TAS2R1: variants seen among roughly 807,000 people sequenced by gnomAD.
TAS2R1 encodes the protein taste 2 receptor member 1, also known as taste receptor type 2 member 1.
For missense variants in TAS2R1, 370 were observed against 353.4 expected (o/e 1.05, Z -0.38); for synonymous variants, 141 against 134.2 (o/e 1.05, Z -0.35).
At chr5:9,829,749 T>G in the TAS2R1 span, among the ~76,000 whole-genome samples, 2 of 152,006 alleles carry the variant, frequency 1.3e-5, no homozygotes, top group East Asian at 3.9e-4. Flanking sequence ...TCATGGTTGA[T>G]GCAAATAACC....
rs772876225 is a variant in TAS2R1 at position 9,693,620 on chromosome 5, GT to G, written c.-242+18551del. On this transcript the variant is annotated intron_variant, in intron 1 of 2. Transcript: ENST00000506620. ...CATTTGCAAAAGCTTCCTCAAGTCT[GT>G]TTTTTTTTTTAAATAAAGAGGCATA... Among the ~76,000 whole-genome samples, 1,161 of 142,094 alleles carry G rather than the reference GT, an allele frequency of 8.2e-3. 13 individuals are homozygous for G. The highest frequency in any genetic ancestry group is 0.026 in the African/African-American group (1,006 of 38,980). The allele number at this position is 142,094 out of a possible 152,430, so 93.2% of individuals were successfully genotyped here. A position where few individuals can be genotyped will look rare whatever the true frequency, so the allele number is the denominator to read the frequency against.
chr5:9,883,967 T>C, the TAS2R1 span: 1 of 152,184 alleles, frequency 6.6e-6, no homozygotes, highest in Non-Finnish European at 1.5e-5. Context: ...CCTGCATCTG[T>C]TCAGCCATCT....
chr5:9,701,442 A>C (rs889231431), intron 1 of TAS2R1, among the ~76,000 whole-genome samples: 8 of 152,182 alleles, frequency 5.3e-5, no homozygotes, highest in Non-Finnish European at 5.9e-5. Flanking sequence ...AGAATGAAAT[A>C]TGAAAGGGTG....
At chr5:9,894,231 C>T in the TAS2R1 span, among the ~76,000 whole-genome samples, 14 of 152,080 alleles carry the variant, frequency 9.2e-5, no homozygotes, top group South Asian at 2.1e-4. Flanking sequence ...GACGAAACCC[C>T]GTCTCTACTA....
At chr5:9,818,760 G>C in the TAS2R1 span, among the ~76,000 whole-genome samples, 2 of 152,198 alleles carry the variant, frequency 1.3e-5, no homozygotes, top group African/African-American at 4.8e-5. Context: ...CAAGGGGTGG[G>C]GAAATAGGCC....
At chr5:9,827,417 A>G in the TAS2R1 span, among the ~76,000 whole-genome samples, 1 of 152,092 alleles carries the variant, frequency 6.6e-6, no homozygotes, top group Non-Finnish European at 1.5e-5. Flanking sequence ...CCCACTTGCC[A>G]TGTTGTATTC....
intron 1 of TAS2R1, among the ~76,000 whole-genome samples, chr5:9,669,940 C>A (rs1411094497): frequency 6.6e-6 from 1 of 151,698 alleles, no homozygotes; most frequent in Non-Finnish European, 1.5e-5. Flanking sequence ...CACAAAAAAA[C>A]ATATAAAAGA....
the TAS2R1 span, among the ~76,000 whole-genome samples, chr5:9,840,857 ATTTT>A: frequency 8.4e-4 from 111 of 132,090 alleles, 1 homozygote; most frequent in South Asian, 4.2e-3. Context: ...TTATTTATTT[ATTTT>A]TTTTTTTTTT....
the TAS2R1 span, among the ~76,000 whole-genome samples, chr5:9,852,737 C>A: frequency 6.6e-6 from 1 of 152,164 alleles, no homozygotes; most frequent in Non-Finnish European, 1.5e-5. Flanking sequence ...GGTTCATTCA[C>A]AGCACTGATA....
chr5:9,802,318 A>G, the TAS2R1 span, among the ~76,000 whole-genome samples: 2 of 152,122 alleles, frequency 1.3e-5, no homozygotes, highest in Admixed American at 1.3e-4. Context: ...TAGACCCAGA[A>G]AAGCAAAAAC....
chr5:9,718,185 C>A, the TAS2R1 span, among the ~76,000 whole-genome samples: 17 of 149,960 alleles, frequency 1.1e-4, no homozygotes, highest in Admixed American at 4.0e-4. Context: ...TGGCCAGGAT[C>A]GTCTTGATCT....
At chr5:9,837,788 G>A in the TAS2R1 span, among the ~76,000 whole-genome samples, 2 of 152,246 alleles carry the variant, frequency 1.3e-5, no homozygotes, top group Non-Finnish European at 2.9e-5. Flanking sequence ...TGGAGCGACA[G>A]CATGTTTTGC....
chr5:9,840,857 ATTTTTTT>A, the TAS2R1 span, among the ~76,000 whole-genome samples: 991 of 132,042 alleles, frequency 7.5e-3, 14 homozygotes, highest in Middle Eastern at 0.031. Flanking sequence ...TTATTTATTT[ATTTTTTT>A]TTTTTTTTTT....
the TAS2R1 span, among the ~76,000 whole-genome samples, chr5:9,902,941 C>A: frequency 4.0e-5 from 6 of 151,662 alleles, no homozygotes; most frequent in South Asian, 1.1e-3. Flanking sequence ...TCAGATAATT[C>A]TTTTTTAAAA....
chr5:9,894,211 T>C, the TAS2R1 span, among the ~76,000 whole-genome samples: 1 of 152,202 alleles, frequency 6.6e-6, no homozygotes, highest in African/African-American at 2.4e-5. Flanking sequence ...GAGACCAGCC[T>C]GGCCAACATG....
the TAS2R1 span, among the ~76,000 whole-genome samples, chr5:9,796,869 C>CTG: frequency 6.6e-6 from 1 of 152,146 alleles, no homozygotes; most frequent in East Asian, 1.9e-4. Flanking sequence ...CTACTTCAAA[C>CTG]TGTCATATTT....
upstream of TAS2R1, among the ~76,000 whole-genome samples, chr5:9,633,341 T>C (rs1209023508): frequency 6.9e-6 from 1 of 144,048 alleles, no homozygotes; most frequent in East Asian, 2.2e-4. Flanking sequence ...CTTTATCCAC[T>C]CATTCATCGA....
At chr5:9,824,454 C>G in the TAS2R1 span, among the ~76,000 whole-genome samples, 3 of 152,182 alleles carry the variant, frequency 2.0e-5, no homozygotes, top group African/African-American at 7.2e-5. Context: ...GCTTGATATT[C>G]TATCCTTTGC....
At chr5:9,777,981 C>G in the TAS2R1 span, among the ~76,000 whole-genome samples, 1 of 150,876 alleles carries the variant, frequency 6.6e-6, no homozygotes, top group African/African-American at 2.4e-5. Context: ...CCCGGGTTCA[C>G]GCCATTCTCC....
Sources: gnomAD v4.1 joint callset for allele counts (sites outside exome capture counted in the v4.1 genomes callset) on GRCh38, gnomAD v4.1.1 for gene constraint, MANE v1.5 for transcripts, NCBI Gene and HGNC (gene_info 2026-07-23, HGNC 2026-07-21) for gene names.